ITM2C: variants seen among roughly 807,000 people sequenced by gnomAD.
The protein encoded by ITM2C is BRICHOS domain containing 2C.
Under a neutral mutation model 30.0 loss-of-function variants are expected in ITM2C, and 20 were observed. The observed-to-expected ratio is 0.67, with a 90% CI of 0.47 to 0.97. ITM2C has a LOEUF of 0.97. Ranked by LOEUF, ITM2C falls within the 50% of genes least tolerant of loss-of-function variation. The pLI is 0.00. For missense variants in ITM2C, 366 were observed against 371.9 expected, an observed-to-expected ratio of 0.98 and a Z score of 0.13; for synonymous variants, 167 against 156.4, an observed-to-expected ratio of 1.07 and a Z score of -0.51.
intron 1 of ITM2C, among the ~76,000 whole-genome samples, chr2:230,868,138 C>A (rs1398103635): frequency 6.6e-6 from 1 of 150,634 alleles, no homozygotes; most frequent in Admixed American, 6.6e-5. Flanking sequence ...GCCCCTGCTT[C>A]TGAGCAAAAA....
rs1574598151 is a variant in ITM2C at position 230,875,893 on chromosome 2, C to T, written c.450+85C>T. 4.5e-6 allele frequency: 5 copies of T among 1,117,994 alleles called. No homozygotes were observed. The East Asian group carries it at 9.5e-5, about 21-fold the overall frequency. The allele number at this position is 1,117,994 out of a possible 1,614,324, so 69.3% of individuals were successfully genotyped here. On this transcript the variant is annotated intron_variant, in intron 3 of 5. Transcript: ENST00000326427. ...AGGGGAGCAGGGATGAAAGGAGACT[C>T]CTCGGAGTACAGCAGGTGTCTACGG...
Position 230,877,492 on chromosome 2 carries a change from C to T in ITM2C, c.654C>T (p.Ile218=), listed in dbSNP as rs553207461. The T allele has an allele frequency of 2.5e-5, 41 of 1,614,064 alleles. No individual in the cohort carries two copies. The South Asian group carries it at 3.4e-4, about 13-fold the overall frequency. The change falls in exon 5 of 6, where the codon ATC becomes ATT. Residue 218 remains isoleucine, a synonymous_variant. Transcript: ENST00000326427. The surrounding 1 kb of genome is among the most constrained non-coding windows in gnomAD (Gnocchi z 4.8). ...ACAAGGAGGCCCTGGGGTCCTTCAT[C>T]TACCACCTGTGCAACGGGAAAGACA... ...VSDKEALGSF[I]YHLCNGKDTY...
intron 1 of ITM2C, among the ~76,000 whole-genome samples, chr2:230,869,371 T>C (rs1697108075): frequency 6.6e-6 from 1 of 152,172 alleles, no homozygotes; most frequent in Non-Finnish European, 1.5e-5. Context: ...ACCACTGGGC[T>C]CTGTGTGCTC....
chr2:230,877,431 T>C lies in ITM2C; in HGVS notation c.593T>C (p.Ile198Thr). The C allele has an allele frequency of 6.2e-7, 1 of 1,613,994 alleles. No individual in the cohort carries two copies. The highest frequency in any genetic ancestry group is 8.5e-7 in the Non-Finnish European group (1 of 1,179,992). Residue 198 changes from isoleucine (I) to threonine (T), a missense_variant, in exon 5 of 6, where the codon ATC (isoleucine) becomes ACC (threonine). Physicochemically the swap from Ile to Thr is moderately conservative, Grantham distance 89 (BLOSUM62 -1). Coordinates refer to ENST00000326427, the MANE Select transcript of ITM2C (RefSeq NM_030926.6). This position sits in a 1 kb window ranked among gnomAD's most constrained non-coding sequence, Gnocchi z 4.8. ...RGTYLPQTYI[I>T]QEEMVVTEHV... is the part of the protein sequence containing the mutation. ...ACCTACCTGCCGCAGACGTACATCATCCAGGAGGAGATGGTGGTCACGGAG... is the reference window on the plus strand; with the variant it reads ...ACCTACCTGCCGCAGACGTACATCACCCAGGAGGAGATGGTGGTCACGGAG...
chr2:230,868,585 CTG>C (rs35394262), intron 1 of ITM2C, among the ~76,000 whole-genome samples: 19,405 of 152,218 alleles, frequency 0.13, 1,459 homozygotes, highest in Non-Finnish European at 0.16. Flanking sequence ...CTTCTTACCT[CTG>C]TAATTTTCTC....
At position 230,865,372 on chromosome 2, in the gene ITM2C, G is replaced by T. The variant is rs557324394; in HGVS notation, c.120+227G>T. ...GAAGTCCGAAGAGTGGGAGGCGTCTGGTTCTGGTCTTCAGGTGGAGAAGTG... is the reference window on the plus strand; with the variant it reads ...GAAGTCCGAAGAGTGGGAGGCGTCTTGTTCTGGTCTTCAGGTGGAGAAGTG... On this transcript the variant is annotated intron_variant, in intron 1 of 5. Transcript: ENST00000326427. This position sits in a 1 kb window ranked among gnomAD's most constrained non-coding sequence, Gnocchi z 6.8. 13 of 428,138 alleles carry T rather than the reference G, an allele frequency of 3.0e-5. No homozygotes were observed. Among genetic ancestry groups the T allele is most frequent in the Middle Eastern group, 6.2e-4 (1 of 1,618 alleles). The allele number at this position is 428,138 out of a possible 1,614,324, so 26.5% of individuals were successfully genotyped here.
At chr2:230,866,599 C>G (rs1283385179) in intron 1 of ITM2C, among the ~76,000 whole-genome samples, 1 of 152,178 alleles carries the variant, frequency 6.6e-6, no homozygotes, top group Non-Finnish European at 1.5e-5. Flanking sequence ...GAGAGCAGCT[C>G]CCCCCTTTTC....
At position 230,876,897 on chromosome 2, in the gene ITM2C, A is replaced by T; in HGVS notation, c.491A>T (p.Tyr164Phe). 1 of 1,614,062 alleles carries T rather than the reference A, an allele frequency of 6.2e-7. No individual in the cohort carries two copies. Among genetic ancestry groups the T allele is most frequent in the Non-Finnish European group, 8.5e-7 (1 of 1,179,944 alleles). ...AYHDISLDKC[Y>F]VIELNTTIVL... ...CATGATATCTCCCTGGACAAGTGCT[A>T]TGTCATCGAACTCAACACCACCATT... is the stretch of plus-strand genomic sequence containing the variant. Residue 164 changes from tyrosine to phenylalanine, a missense_variant, in exon 4 of 6, where the codon TAT becomes TTT. Physicochemically the swap from Tyr to Phe is conservative, Grantham distance 22. Coordinates refer to ENST00000326427, the MANE Select transcript of ITM2C (RefSeq NM_030926.6).
intron 1 of ITM2C, among the ~76,000 whole-genome samples, chr2:230,869,881 G>A (rs73992917): frequency 1.8e-3 from 274 of 152,304 alleles, no homozygotes; most frequent in African/African-American, 6.1e-3. Flanking sequence ...TGCGCCCTTC[G>A]CTCAGAGAGC....
intron 1 of ITM2C, among the ~76,000 whole-genome samples, chr2:230,871,776 C>A (rs776479767): frequency 6.6e-6 from 1 of 152,212 alleles, no homozygotes; most frequent in African/African-American, 2.4e-5. Context: ...GACCTGCTCA[C>A]GCATGTCCGC....
chr2:230,874,256 C>A (rs759939325), intron 2 of ITM2C, among the ~76,000 whole-genome samples: 29 of 152,150 alleles, frequency 1.9e-4, no homozygotes, highest in Admixed American at 4.6e-4. Flanking sequence ...ACTTTGTTGT[C>A]CCCCAGTTTT....
upstream of ITM2C, chr2:230,864,820 G>A (rs1696981530): frequency 4.8e-6 from 2 of 418,862 alleles, no homozygotes; most frequent in East Asian, 5.7e-5. The surrounding 1 kb of genome is among the most constrained non-coding windows in gnomAD (Gnocchi z 4.3). Context: ...GTCACTGCGG[G>A]CCCCGCGGGC....
chr2:230,867,273 T>A (rs1369789432), intron 1 of ITM2C, among the ~76,000 whole-genome samples: 1 of 152,206 alleles, frequency 6.6e-6, no homozygotes, highest in Non-Finnish European at 1.5e-5. Context: ...GCAGAGGGAC[T>A]TTAGGTGTTG....
intron 2 of ITM2C, among the ~76,000 whole-genome samples, chr2:230,874,165 CACAG>C (rs1257573328): frequency 1.3e-5 from 2 of 152,218 alleles, no homozygotes; most frequent in Non-Finnish European, 2.9e-5. Context: ...ACGTACAACT[CACAG>C]AGAACCTCAG....
In ITM2C at chr2:230,866,016, G is replaced by A. The variant is rs73992916; in HGVS notation, c.120+871G>A. ...GCTTCCTCCACTTTCCCTCTGGCCG[G>A]GGGGGAGAGAAGGCATTTCCGCCGT... On this transcript the variant is annotated intron_variant, in intron 1 of 5. Coordinates refer to ENST00000326427, the MANE Select transcript of ITM2C (RefSeq NM_030926.6). 1.2e-4 allele frequency among the ~76,000 whole-genome samples: 17 copies of A among 147,030 alleles called. No individual in the cohort carries two copies. The South Asian group carries it at 2.1e-3, about 18-fold the overall frequency.
intron 1 of ITM2C, among the ~76,000 whole-genome samples, chr2:230,867,100 T>G (rs541100126): frequency 2.0e-4 from 31 of 152,290 alleles, no homozygotes; most frequent in Non-Finnish European, 2.8e-4. Context: ...GCTGAGTACC[T>G]CCTCCCTCAA....
intron 1 of ITM2C, among the ~76,000 whole-genome samples, chr2:230,870,648 C>T (rs6704687): frequency 2.6e-5 from 4 of 152,232 alleles, no homozygotes; most frequent in Non-Finnish European, 5.9e-5. Flanking sequence ...TCACCTTCTC[C>T]CTGCTCTGTC....
In ITM2C at chr2:230,876,843, C is replaced by A; in HGVS notation, c.451-14C>A. On this transcript the variant is annotated splice_polypyrimidine_tract_variant and intron_variant, in intron 3 of 5. Coordinates refer to ENST00000326427, the MANE Select transcript of ITM2C (RefSeq NM_030926.6). ...ACCTCCTGCAGAGACTGACCCAACCCCTTCTCCTGCCAGGGTCTGACTGCG... is the reference window on the plus strand; with the variant it reads ...ACCTCCTGCAGAGACTGACCCAACCACTTCTCCTGCCAGGGTCTGACTGCG... 1 of 1,587,064 alleles carries A rather than the reference C, an allele frequency of 6.3e-7. No individual in the cohort carries two copies. The highest frequency in any genetic ancestry group is 8.7e-7 in the Non-Finnish European group (1 of 1,155,814).
chr2:230,869,612 C>T (rs1697114030), intron 1 of ITM2C, among the ~76,000 whole-genome samples: 1 of 152,218 alleles, frequency 6.6e-6, no homozygotes, highest in African/African-American at 2.4e-5. Flanking sequence ...CTGCCGAACC[C>T]CTCCAGGCAG....
Sources: allele counts gnomAD v4.1 joint callset (sites outside exome capture counted in the v4.1 genomes callset), GRCh38; gene constraint gnomAD v4.1.1; non-coding constraint Gnocchi (gnomAD v3.1); transcripts MANE v1.5; gene names NCBI Gene and HGNC (gene_info 2026-07-23, HGNC 2026-07-21).